CPEB2: variants seen among roughly 807,000 people sequenced by gnomAD.
The protein encoded by CPEB2 is cytoplasmic polyadenylation element binding protein 2.
CPEB2 carries 56 observed loss-of-function variants against 93.6 expected under a neutral mutation model. That is an observed-to-expected ratio of 0.60 (90% CI 0.48 to 0.75). CPEB2 has a LOEUF of 0.75. CPEB2 is among the 30% of genes least tolerant of loss of function. The probability of loss-of-function intolerance (pLI) is 0.00; values close to 1 mark genes in which losing one functional copy is unlikely to be tolerated. For missense variants in CPEB2, 1,579 were observed against 1,395.1 expected (o/e 1.13, Z -2.10); for synonymous variants, 764 against 586.3 (o/e 1.30, Z -4.38).
Position 15,059,101 on chromosome 4 carries a change from AATCACT to A in CPEB2, c.2581-83_2581-78del. 7.2e-6 allele frequency: 5 copies of A among 691,536 alleles called. No homozygotes were observed. In the South Asian group the frequency reaches 9.0e-5, roughly 12 times the overall value. The allele number at this position is 691,536 out of a possible 1,614,324, so 42.8% of individuals were successfully genotyped here. ...TATACAAATTTTTAAGCAATAAAAG[AATCACT>A]ATTAACTGGCAAAAACAAACAAACA... is the stretch of plus-strand genomic sequence containing the variant. On this transcript the variant is annotated intron_variant, in intron 9 of 11. Coordinates refer to ENST00000538197, the MANE Select transcript of CPEB2 (RefSeq NM_001177382.2).
chr4:15,048,299 T>G (rs1727904451), intron 6 of CPEB2, among the ~76,000 whole-genome samples: 1 of 152,048 alleles, frequency 6.6e-6, no homozygotes. Flanking sequence ...CCATTTTTTC[T>G]TCTTCAAAAG....
At chr4:15,029,268 T>A (rs1725829341) in intron 4 of CPEB2, among the ~76,000 whole-genome samples, 1 of 152,056 alleles carries the variant, frequency 6.6e-6, no homozygotes, top group Non-Finnish European at 1.5e-5. Context: ...AATTATATTT[T>A]CAATATAATT....
At chr4:15,037,662 T>C (rs1726756908) in intron 5 of CPEB2, among the ~76,000 whole-genome samples, 1 of 152,192 alleles carries the variant, frequency 6.6e-6, no homozygotes, top group African/African-American at 2.4e-5. Flanking sequence ...AGCCTTCTTA[T>C]TTTTAAATAA....
chr4:15,041,917 TAACTAAAAACTTAGA>T (rs1381759263), intron 6 of CPEB2, among the ~76,000 whole-genome samples: 2 of 152,350 alleles, frequency 1.3e-5, no homozygotes, highest in Middle Eastern at 3.4e-3. Flanking sequence ...TTCAGTTTTC[TAACTAAAAACTTAGA>T]GGAGACAGAC....
Position 15,069,441 on chromosome 4 carries a change from G to T in CPEB2, c.*3061G>T, listed in dbSNP as rs1180250264. 6.6e-6 allele frequency: 1 copy of T among 152,158 alleles called. No individual in the cohort carries two copies. The highest frequency in any genetic ancestry group is 2.4e-5 in the African/African-American group (1 of 41,384). The allele number at this position is 152,158 out of a possible 1,614,324, so 9.4% of individuals were successfully genotyped here. A position where few individuals can be genotyped will look rare whatever the true frequency, so the allele number is the denominator to read the frequency against. ...AGTGTCATTTTTTACTGTCAGAAAA[G>T]ATACCCCTTTTGTCATTGCAACTAT... On this transcript the variant is annotated 3_prime_UTR_variant, in exon 12 of 12. Coordinates refer to ENST00000538197, the MANE Select transcript of CPEB2 (RefSeq NM_001177382.2).
At chr4:15,023,749 C>G (rs1455200866) in intron 4 of CPEB2, among the ~76,000 whole-genome samples, 1 of 145,738 alleles carries the variant, frequency 6.9e-6, no homozygotes, top group Non-Finnish European at 1.5e-5. Context: ...CCACTATGAG[C>G]TTTTTTTTTT....
chr4:15,069,997 A>G lies in CPEB2; in HGVS notation c.*3617A>G, dbSNP rs1395794057. The stretch of plus-strand genomic sequence containing the variant: ...TTCGTTAAATATTTTAGTTTATTTT[A>G]TTGTTATCTTCCAGGTGTCTAAATC... On this transcript the variant is annotated 3_prime_UTR_variant, in exon 12 of 12. Transcript: ENST00000538197. The G allele has an allele frequency of 6.6e-6, 1 of 151,986 alleles. No individual in the cohort carries two copies. The highest frequency in any genetic ancestry group is 1.5e-5 in the Non-Finnish European group (1 of 67,740). 9.4% of individuals were successfully genotyped at this position (151,986 alleles called of 1,614,324 possible).
Position 15,066,592 on chromosome 4 carries a change from T to A in CPEB2, c.*212T>A. On this transcript the variant is annotated 3_prime_UTR_variant, in exon 12 of 12. Coordinates refer to ENST00000538197, the MANE Select transcript of CPEB2 (RefSeq NM_001177382.2). ...TCAGGCTTACTAATTTTTGTGATAT[T>A]TTCATGTTCAAATAAAATGTTTTTT... is the stretch of plus-strand genomic sequence containing the variant. The A allele has an allele frequency of 1.9e-6, 1 of 530,194 alleles. No individual in the cohort carries two copies. Among genetic ancestry groups the A allele is most frequent in the Non-Finnish European group, 3.3e-6 (1 of 300,120 alleles). 32.8% of individuals were successfully genotyped at this position (530,194 alleles called of 1,614,324 possible).
At chr4:15,063,352 C>T (rs116759549) in intron 11 of CPEB2, among the ~76,000 whole-genome samples, 1 of 145,196 alleles carries the variant, frequency 6.9e-6, no homozygotes, top group Non-Finnish European at 1.5e-5. Flanking sequence ...GTTTGCATTG[C>T]TACTTAAAAG....
In CPEB2 at chr4:15,033,151, C is replaced by G. The variant is rs780629847; in HGVS notation, c.2126-10C>G. 1 of 1,594,240 alleles carries G rather than the reference C, an allele frequency of 6.3e-7. No homozygotes were observed. Among genetic ancestry groups the G allele is most frequent in the Non-Finnish European group, 8.6e-7 (1 of 1,166,024 alleles). On this transcript the variant is annotated splice_polypyrimidine_tract_variant and intron_variant, in intron 4 of 11. Coordinates refer to ENST00000538197, the MANE Select transcript of CPEB2 (RefSeq NM_001177382.2). ...TAATCTTCAAACTCACCTTTCCTGT[C>G]TTTTTAAAGGTCGATTGAGCTATCC...
chr4:15,021,489 C>T (rs1392674959), intron 4 of CPEB2, among the ~76,000 whole-genome samples: 1 of 152,034 alleles, frequency 6.6e-6, no homozygotes, highest in Non-Finnish European at 1.5e-5. Context: ...CCTTCCCTGC[C>T]CCCAACAATT....
Position 15,007,340 on chromosome 4 carries a change from G to T in CPEB2, c.1698G>T (p.Gln566His). ...LLKQSPWSNH[Q>H]SSGWGTGSMS... ...AACAGTCTCCCTGGAGCAACCATCA[G>T]AGCAGTGGCTGGGGCACTGGAAGTA... is the stretch of plus-strand genomic sequence containing the variant. Residue 566 changes from glutamine to histidine, a missense_variant, in exon 2 of 12, where the codon CAG becomes CAT. Gln to His is a conservative substitution (Grantham distance 24). Coordinates refer to ENST00000538197, the MANE Select transcript of CPEB2 (RefSeq NM_001177382.2). The T allele has an allele frequency of 6.3e-7, 1 of 1,587,696 alleles. No individual in the cohort carries two copies. The highest frequency in any genetic ancestry group is 2.3e-5 in the East Asian group (1 of 43,980).
intron 1 of CPEB2, among the ~76,000 whole-genome samples, chr4:15,006,208 T>C (rs1722796078): frequency 2.0e-5 from 3 of 152,166 alleles, no homozygotes; most frequent in African/African-American, 7.2e-5. Context: ...AATATACTCA[T>C]GATTATGTTA....
chr4:15,060,022 G>A (rs1300166807), intron 10 of CPEB2, among the ~76,000 whole-genome samples: 2 of 152,122 alleles, frequency 1.3e-5, no homozygotes, highest in African/African-American at 4.8e-5. Context: ...TATCTTGAAG[G>A]TATTTGAAGT....
At chr4:15,008,190 G>A (rs1577361107) in intron 2 of CPEB2, 148 bp from the exon 3 acceptor site, 1 of 467,426 alleles carries the variant, frequency 2.1e-6, no homozygotes, top group Non-Finnish European at 3.8e-6. Context: ...TGAGGTTTTT[G>A]TTTTGTTTTG....
intron 10 of CPEB2, among the ~76,000 whole-genome samples, chr4:15,061,687 A>G (rs1729200251): frequency 6.7e-6 from 1 of 150,030 alleles, no homozygotes; most frequent in Admixed American, 6.7e-5. Context: ...AGATAGGAAA[A>G]TTATAGTGTA....
intron 6 of CPEB2, among the ~76,000 whole-genome samples, chr4:15,044,896 CTCTTA>C (rs1298690102): frequency 3.3e-5 from 5 of 152,134 alleles, no homozygotes; most frequent in Non-Finnish European, 7.4e-5. Context: ...GCTCTTCCTT[CTCTTA>C]TTACTTCATT....
chr4:15,026,940 T>C (rs568456530), intron 4 of CPEB2, among the ~76,000 whole-genome samples: 1 of 152,322 alleles, frequency 6.6e-6, no homozygotes, highest in Admixed American at 6.5e-5. Context: ...CCACTGGCAA[T>C]ATTTTGTTGC....
chr4:15,007,236 A>AAATTTG lies in CPEB2; in HGVS notation c.1663-52_1663-47dup, dbSNP rs1168936455. The AAATTTG allele has an allele frequency of 1.4e-5, 18 of 1,332,560 alleles. No individual in the cohort carries two copies. The East Asian group carries it at 3.0e-4, about 22-fold the overall frequency. 82.5% of individuals were successfully genotyped at this position (1,332,560 alleles called of 1,614,324 possible). On this transcript the variant is annotated intron_variant, in intron 1 of 11. Transcript: ENST00000538197. ...TCATTCATATAAATTCTTAGGTCTG[A>AAATTTG]AATTTGAATTTGAATTTGAATTGTA...
Sources: gnomAD v4.1 joint callset for allele counts (sites outside exome capture counted in the v4.1 genomes callset) on GRCh38, gnomAD v4.1.1 for gene constraint, MANE v1.5 for transcripts, NCBI Gene and HGNC (gene_info 2026-07-23, HGNC 2026-07-21) for gene names.